Variants in CTNNA2 observed in about 807,000 individuals in gnomAD.
CTNNA2 encodes catenin alpha-2.
CTNNA2 carries 42 observed loss-of-function variants against 101.0 expected under a neutral mutation model. The ratio of observed to expected loss-of-function variants is 0.42; its 90% CI spans 0.32 to 0.54. The LOEUF is 0.54. Ranked by LOEUF, CTNNA2 falls within the 20% of genes least tolerant of loss-of-function variation. CTNNA2 has a pLI of 0.14. For missense variants in CTNNA2, 871 were observed against 1,223.1 expected, an observed-to-expected ratio of 0.71 and a Z score of 4.29; for synonymous variants, 450 against 456.4, an observed-to-expected ratio of 0.99 and a Z score of 0.18.
intron 3 of CTNNA2, chr2:79,339,529 G>C (rs980229351): frequency 3.3e-5 from 5 of 152,168 alleles, no homozygotes; most frequent in African/African-American, 9.7e-5. Flanking sequence ...GTTCTTTGCA[G>C]TTTTCAAATG....
chr2:80,577,828 A>AGCCTTCTCC (rs1695190807), intron 13 of CTNNA2, among the ~76,000 whole-genome samples: 2 of 152,104 alleles, frequency 1.3e-5, no homozygotes, highest in South Asian at 4.1e-4. Flanking sequence ...CTATATTCTC[A>AGCCTTCTCC]GCCTTCTCCC....
At chr2:79,505,747 A>G (rs913246274) in intron 5 of CTNNA2, among the ~76,000 whole-genome samples, 1 of 152,214 alleles carries the variant, frequency 6.6e-6, no homozygotes, top group Non-Finnish European at 1.5e-5. Context: ...ATAGATGGGA[A>G]TAGACATTGG....
chr2:80,327,933 A>G (rs1399134495), intron 7 of CTNNA2, among the ~76,000 whole-genome samples: 2 of 151,938 alleles, frequency 1.3e-5, no homozygotes, highest in East Asian at 3.9e-4. Flanking sequence ...ATATGTATAA[A>G]TGTTTTTTTA....
intron 3 of CTNNA2, among the ~76,000 whole-genome samples, chr2:79,754,406 G>C (rs1057404645): frequency 1.3e-5 from 2 of 152,232 alleles, no homozygotes; most frequent in Admixed American, 6.5e-5. Context: ...GATGCCAGCT[G>C]TGTGAACTCC....
At position 79,320,084 on chromosome 2, in the gene CTNNA2, G is replaced by A. The variant is rs143990538; in HGVS notation, c.-318+7288G>A. The A allele has an allele frequency of 9.9e-5, 15 of 152,156 alleles. No homozygotes were observed. In the East Asian group the frequency reaches 2.9e-3, roughly 29 times the overall value. The allele number at this position is 152,156 out of a possible 1,614,324, so 9.4% of individuals were successfully genotyped here. A position where few individuals can be genotyped will look rare whatever the true frequency, so the allele number is the denominator to read the frequency against. On this transcript the variant is annotated intron_variant, in intron 3 of 21. Coordinates refer to the CTNNA2 transcript ENST00000466387. ...GAAGGGAGAAAGAGTAGCTTACTGT[G>A]ATGAAAATTGAGCCAGTCTTGGGAG...
chr2:80,168,022 C>T (rs557621530), intron 7 of CTNNA2, among the ~76,000 whole-genome samples: 2 of 152,158 alleles, frequency 1.3e-5, no homozygotes, highest in East Asian at 1.9e-4. Context: ...TTTGCCATAA[C>T]CAGTCTACCC....
chr2:80,394,785 T>A (rs1677846258), intron 8 of CTNNA2, among the ~76,000 whole-genome samples: 1 of 151,840 alleles, frequency 6.6e-6, no homozygotes, highest in Non-Finnish European at 1.5e-5. Context: ...TTAAGCTGTA[T>A]AAGATTGTGT....
intron 2 of CTNNA2, among the ~76,000 whole-genome samples, chr2:79,227,407 T>G (rs1414573288): frequency 6.6e-6 from 1 of 152,236 alleles, no homozygotes; most frequent in Non-Finnish European, 1.5e-5. Flanking sequence ...AATGGCGATA[T>G]TCATTTCTAT....
chr2:79,780,530 C>G (rs1383640555), intron 3 of CTNNA2, among the ~76,000 whole-genome samples: 5 of 152,150 alleles, frequency 3.3e-5, no homozygotes, highest in Non-Finnish European at 7.4e-5. Context: ...CCCCCACAAA[C>G]ATAGAGAAAC....
intron 7 of CTNNA2, among the ~76,000 whole-genome samples, chr2:80,077,635 A>T (rs1573010043): frequency 6.6e-6 from 1 of 152,012 alleles, no homozygotes; most frequent in African/African-American, 2.4e-5. Flanking sequence ...AAACCTACGG[A>T]TACACATAAT....
intron 7 of CTNNA2, among the ~76,000 whole-genome samples, chr2:79,924,532 CA>C (rs1371732297): frequency 1.3e-5 from 2 of 152,108 alleles, no homozygotes; most frequent in Non-Finnish European, 1.5e-5. Flanking sequence ...TGTGTTAAAT[CA>C]ATCAGCCATC....
chr2:80,037,814 C>G (rs567496945), intron 7 of CTNNA2, among the ~76,000 whole-genome samples: 8 of 152,264 alleles, frequency 5.3e-5, no homozygotes, highest in African/African-American at 1.9e-4. Context: ...TTATCAAACA[C>G]TGGGCAGGAA....
Position 79,466,053 on chromosome 2 carries a change from C to T in CTNNA2, c.-134-39001C>T, listed in dbSNP as rs942278477. Among the ~76,000 whole-genome samples the T allele has an allele frequency of 3.9e-5, 6 of 152,222 alleles. No homozygotes were observed. The South Asian group carries it at 1.2e-3, about 32-fold the overall frequency. On this transcript the variant is annotated intron_variant, in intron 4 of 21. Transcript: ENST00000466387. ...GACAGTGGGTGCAGGACAGTGGGTG[C>T]AGCCCACTGAGCATTAGCCGAAGCA...
chr2:80,571,308 C>A (rs1177653594), intron 12 of CTNNA2, among the ~76,000 whole-genome samples: 1 of 152,170 alleles, frequency 6.6e-6, no homozygotes, highest in African/African-American at 2.4e-5. Context: ...GACTTCCTCA[C>A]TTAATGATAT....
rs537425412 is a variant in CTNNA2 at position 79,425,733 on chromosome 2, C to T, written c.-135+51720C>T. Reference sequence around the variant, plus strand: ...AATCAAGAATGCATATGCTCTTATACGAAAGGATTTGCTTGCGTAATTATA... The same window carrying T: ...AATCAAGAATGCATATGCTCTTATATGAAAGGATTTGCTTGCGTAATTATA... On this transcript the variant is annotated intron_variant, in intron 4 of 21. Transcript: ENST00000466387. Among the ~76,000 whole-genome samples the T allele has an allele frequency of 3.3e-5, 5 of 152,234 alleles. No individual in the cohort carries two copies. The South Asian group carries it at 6.2e-4, about 19-fold the overall frequency.
intron 3 of CTNNA2, among the ~76,000 whole-genome samples, chr2:79,751,615 A>AG (rs1491271219): frequency 1.3e-4 from 19 of 143,366 alleles, no homozygotes; most frequent in African/African-American, 5.2e-4. Context: ...AAAAAAAAAA[A>AG]GAAAGAAAGA....
intron 4 of CTNNA2, among the ~76,000 whole-genome samples, chr2:79,418,940 C>T (rs140712507): frequency 0.014 from 2,090 of 152,190 alleles, 22 homozygotes; most frequent in Non-Finnish European, 0.025. Context: ...GCACATAGGT[C>T]ATTAATGGCA....
At chr2:80,060,075 A>G (rs1349850571) in intron 7 of CTNNA2, among the ~76,000 whole-genome samples, 1 of 152,218 alleles carries the variant, frequency 6.6e-6, no homozygotes, top group Non-Finnish European at 1.5e-5. Flanking sequence ...GAGTCCAAGA[A>G]TGAGCATGGG....
chr2:80,116,886 G>A (rs1301023831), intron 7 of CTNNA2, among the ~76,000 whole-genome samples: 4 of 133,270 alleles, frequency 3.0e-5, no homozygotes, highest in Admixed American at 2.3e-4. Context: ...CCAGAGAAGG[G>A]AAAATAGAAG....
Sources: allele counts gnomAD v4.1 joint callset (sites outside exome capture counted in the v4.1 genomes callset), GRCh38; gene constraint gnomAD v4.1.1; transcripts MANE v1.5; gene names NCBI Gene and HGNC (gene_info 2026-07-23, HGNC 2026-07-21).